Variants in ANKRD55 observed in about 807,000 individuals in gnomAD.
The protein encoded by ANKRD55 is ankyrin repeat domain-containing protein 55.
ANKRD55 carries 41 observed loss-of-function variants against 60.6 expected under a neutral mutation model. The observed-to-expected ratio is 0.68, with a 90% CI of 0.53 to 0.88. The LOEUF is 0.88. ANKRD55 is among the 40% of genes least tolerant of loss of function. ANKRD55 has a pLI of 0.00. For missense variants in ANKRD55, 732 were observed against 767.6 expected (o/e 0.95, Z 0.55); for synonymous variants, 264 against 290.3 (o/e 0.91, Z 0.92).
chr5:56,196,107 C>T (rs912627656), intron 2 of ANKRD55, among the ~76,000 whole-genome samples: 1 of 152,156 alleles, frequency 6.6e-6, no homozygotes, highest in African/African-American at 2.4e-5. Context: ...TAAATTCTTG[C>T]TCCAACACTT....
At chr5:56,116,573 G>A (rs1302738866) in intron 9 of ANKRD55, 42 bp downstream of exon 9, 3 of 1,412,738 alleles carry the variant, frequency 2.1e-6, no homozygotes, top group Non-Finnish European at 2.8e-6. Flanking sequence ...TTTATAAATA[G>A]TTGAGAAGAA....
At chr5:56,113,525 TG>T (rs1756799743) in intron 9 of ANKRD55, among the ~76,000 whole-genome samples, 1 of 152,166 alleles carries the variant, frequency 6.6e-6, no homozygotes, top group Non-Finnish European at 1.5e-5. Context: ...GCTGTGCAAT[TG>T]TTTGAGTCGC....
intron 6 of ANKRD55, among the ~76,000 whole-genome samples, chr5:56,149,706 TCTA>T (rs1757994173): frequency 6.6e-6 from 1 of 152,138 alleles, no homozygotes; most frequent in African/African-American, 2.4e-5. Context: ...ATACAATTAT[TCTA>T]CTCATTGCTC....
chr5:56,188,367 A>C (rs1759022342), intron 2 of ANKRD55, among the ~76,000 whole-genome samples: 1 of 121,878 alleles, frequency 8.2e-6, no homozygotes, highest in Non-Finnish European at 1.6e-5. Context: ...CCCCCCTACA[A>C]CCAAAAAAAA....
At chr5:56,134,280 T>C (rs1157561719) in intron 7 of ANKRD55, among the ~76,000 whole-genome samples, 1 of 115,714 alleles carries the variant, frequency 8.6e-6, no homozygotes, top group East Asian at 2.4e-4. Flanking sequence ...TTTATGTCTA[T>C]TAAAGAAACT....
intron 2 of ANKRD55, among the ~76,000 whole-genome samples, chr5:56,217,678 A>G (rs529387769): frequency 3.9e-5 from 6 of 152,276 alleles, no homozygotes; most frequent in African/African-American, 1.4e-4. Flanking sequence ...GTGTATCATG[A>G]AGTCAGGAGA....
intron 2 of ANKRD55, among the ~76,000 whole-genome samples, chr5:56,229,296 AG>A (rs751134179): frequency 1.1e-4 from 16 of 152,038 alleles, no homozygotes; most frequent in Non-Finnish European, 1.9e-4. Flanking sequence ...GGGCTTTGAG[AG>A]GGAACACAGC....
chr5:56,210,897 C>T (rs1759654874), intron 2 of ANKRD55, among the ~76,000 whole-genome samples: 1 of 152,066 alleles, frequency 6.6e-6, no homozygotes. Flanking sequence ...TTAGTTAATT[C>T]TCCCTTTCCT....
intron 4 of ANKRD55, among the ~76,000 whole-genome samples, chr5:56,174,302 A>G (rs1758688683): frequency 6.6e-6 from 1 of 152,172 alleles, no homozygotes; most frequent in South Asian, 2.1e-4. Context: ...AAAATTTTGA[A>G]TTTTTGAACT....
In ANKRD55 at chr5:56,225,980, A is replaced by G. The variant is rs191871874; in HGVS notation, c.58+6876T>C. Among the ~76,000 whole-genome samples, 65 of 152,330 alleles carry G rather than the reference A, an allele frequency of 4.3e-4. 1 individual carries two copies. The highest frequency in any genetic ancestry group is 1.5e-3 in the African/African-American group (61 of 41,574). On this transcript the variant is annotated intron_variant, in intron 2 of 11. Coordinates refer to ENST00000341048, the MANE Select transcript of ANKRD55 (RefSeq NM_024669.3). ...TTTCTTCACAGAATTGGAAAAAACT[A>G]CTTTAAAGTTCATATGAAACCAAAA...
chr5:56,128,583 C>A (rs1373443208), intron 7 of ANKRD55, among the ~76,000 whole-genome samples: 3 of 152,122 alleles, frequency 2.0e-5, no homozygotes, highest in Non-Finnish European at 4.4e-5. Flanking sequence ...CTTATAGCAC[C>A]ATTGTTTGTA....
chr5:56,167,586 C>CTTATTATT (rs1758514320), intron 5 of ANKRD55, among the ~76,000 whole-genome samples: 1 of 152,204 alleles, frequency 6.6e-6, no homozygotes, highest in Non-Finnish European at 1.5e-5. Context: ...TTAGTTAAAG[C>CTTATTATT]AGCTAGCATT....
chr5:56,113,364 G>A (rs1756792875), intron 9 of ANKRD55, among the ~76,000 whole-genome samples: 1 of 152,014 alleles, frequency 6.6e-6, no homozygotes, highest in African/African-American at 2.4e-5. Flanking sequence ...GAAAAAAAAA[G>A]TCCTTTAACT....
chr5:56,232,873 A>G lies in ANKRD55; in HGVS notation c.41T>C (p.Val14Ala). 1 of 1,614,184 alleles carries G rather than the reference A, an allele frequency of 6.2e-7. No individual in the cohort carries two copies. The highest frequency in any genetic ancestry group is 8.5e-7 in the Non-Finnish European group (1 of 1,180,022). Reference sequence around the variant, plus strand: ...CATTTTACCTCTTTGCTGATCAAACACAGAAGGGGTGCTGAAATCCATGGT... The same window carrying G: ...CATTTTACCTCTTTGCTGATCAAACGCAGAAGGGGTGCTGAAATCCATGGT... ...QATMDFSTPS[V>A]FDQQRGDSSE... Residue 14 changes from valine (V) to alanine (A), a missense_variant, in exon 2 of 12, where the codon GTG (valine) becomes GCG (alanine). Around this residue, in one of 3 missense-constraint regions of ANKRD55, gnomAD observed 131 missense variants for 142.7 expected, o/e 0.92. Coordinates refer to ENST00000341048, the MANE Select transcript of ANKRD55 (RefSeq NM_024669.3).
At chr5:56,207,072 C>G (rs529948571) in intron 2 of ANKRD55, among the ~76,000 whole-genome samples, 5 of 152,226 alleles carry the variant, frequency 3.3e-5, no homozygotes, top group Admixed American at 2.0e-4. Flanking sequence ...TTGTTGCTCA[C>G]TTACTAAGTG....
In ANKRD55 at chr5:56,217,875, G is replaced by A. The variant is rs1759860999; in HGVS notation, c.58+14981C>T. Among the ~76,000 whole-genome samples, 4 of 149,108 alleles carry A rather than the reference G, an allele frequency of 2.7e-5. No homozygotes were observed. The South Asian group carries it at 8.4e-4, about 31-fold the overall frequency. The stretch of plus-strand genomic sequence containing the variant: ...TGTGCCACTGCACTCCAGCCTGGGT[G>A]ACAGAGCGAGACTCCGTCTCAAAAA... On this transcript the variant is annotated intron_variant, in intron 2 of 11. Coordinates refer to ENST00000341048, the MANE Select transcript of ANKRD55 (RefSeq NM_024669.3).
chr5:56,161,865 G>T, intron 5 of ANKRD55: 1 of 520,062 alleles, frequency 1.9e-6, no homozygotes, highest in Non-Finnish European at 2.5e-6. Flanking sequence ...GTAGCCTTTG[G>T]TAGGAAGACA....
chr5:56,143,628 T>C (rs1348745732), intron 7 of ANKRD55, among the ~76,000 whole-genome samples, 173 bp downstream of exon 7: 2 of 152,198 alleles, frequency 1.3e-5, no homozygotes, highest in Non-Finnish European at 2.9e-5. Context: ...CAGGCTCTGC[T>C]TGATATTTTA....
At chr5:56,118,287 CAT>C (rs1455240045) in intron 8 of ANKRD55, among the ~76,000 whole-genome samples, 1 of 152,098 alleles carries the variant, frequency 6.6e-6, no homozygotes, top group African/African-American at 2.4e-5. Context: ...TTGCAAATCA[CAT>C]AGTCAACAAA....
Sources: allele counts gnomAD v4.1 joint callset (sites outside exome capture counted in the v4.1 genomes callset), GRCh38; gene constraint gnomAD v4.1.1; regional missense constraint gnomAD v4.1.1; transcripts MANE v1.5; gene names NCBI Gene and HGNC (gene_info 2026-07-23, HGNC 2026-07-21).